RANBP2: variants seen among roughly 807,000 people sequenced by gnomAD.
RANBP2 encodes the protein RAN binding protein 2.
In RANBP2, 57 loss-of-function variants were observed where a neutral mutation model predicts 303.6. That is an observed-to-expected ratio of 0.19 (90% CI 0.15 to 0.23). The LOEUF is 0.23. Ranked by LOEUF, RANBP2 falls within the 10% of genes least tolerant of loss-of-function variation. The pLI is 1.00. For missense variants in RANBP2, 3,138 were observed against 3,780.8 expected (o/e 0.83, Z 4.46); for synonymous variants, 1,167 against 1,301.5 (o/e 0.90, Z 2.23).
chr2:109,196,140 C>T, the RANBP2 span, among the ~76,000 whole-genome samples: 9 of 152,368 alleles, frequency 5.9e-5, no homozygotes, highest in South Asian at 1.9e-3. Flanking sequence ...GGCACACGTC[C>T]CACTCAGGGT....
chr2:108,766,843 G>A lies in RANBP2; in HGVS notation c.6304G>A (p.Asp2102Asn). The part of the protein sequence containing the change: ...TMNLKPLSGS[D>N]RAWMWLASDF... ...GAACCTGAAGCCTCTCTCTGGATCA[G>A]ATAGAGCATGGATGTGGTTAGCCAG... The change falls in exon 20 of 29, where the codon GAT (aspartate) becomes AAT (asparagine). Residue 2102 changes from aspartate to asparagine, a missense_variant. This residue lies in a region of RANBP2 where 103 missense variants were observed against 214.3 expected (regional missense o/e 0.48). Transcript: ENST00000283195. The A allele has an allele frequency of 6.2e-7, 1 of 1,611,824 alleles. No individual in the cohort carries two copies.
At chr2:108,805,522 G>A in the RANBP2 span, among the ~76,000 whole-genome samples, 7 of 151,586 alleles carry the variant, frequency 4.6e-5, no homozygotes, top group Admixed American at 2.0e-4. Context: ...TCAGGAGTTC[G>A]AGACCATCCT....
the RANBP2 span, among the ~76,000 whole-genome samples, chr2:109,561,208 T>C: frequency 6.6e-6 from 1 of 152,154 alleles, no homozygotes; most frequent in Non-Finnish European, 1.5e-5. Flanking sequence ...TTCCGGAGTC[T>C]TACAGATGCC....
the RANBP2 span, among the ~76,000 whole-genome samples, chr2:109,054,478 G>A: frequency 3.9e-5 from 6 of 151,976 alleles, no homozygotes; most frequent in Non-Finnish European, 8.8e-5. Flanking sequence ...AGGCCGAGGT[G>A]GGCAGATCAC....
the RANBP2 span, among the ~76,000 whole-genome samples, chr2:109,604,290 T>G: frequency 1.5e-5 from 2 of 137,386 alleles, no homozygotes; most frequent in Non-Finnish European, 3.1e-5. Flanking sequence ...GTTGCAGTGG[T>G]TGAGACTGCG....
the RANBP2 span, among the ~76,000 whole-genome samples, chr2:109,308,168 G>T: frequency 9.8e-3 from 1,365 of 139,194 alleles, 21 homozygotes; most frequent in Non-Finnish European, 0.014. Flanking sequence ...TTTCCCTGAT[G>T]GCCAGTGATG....
At chr2:108,875,433 A>G in the RANBP2 span, among the ~76,000 whole-genome samples, 3 of 152,136 alleles carry the variant, frequency 2.0e-5, no homozygotes, top group Non-Finnish European at 2.9e-5. Flanking sequence ...AAGATAAACC[A>G]ATATTCTGCC....
chr2:108,764,500 A>G lies in RANBP2; in HGVS notation c.3961A>G (p.Arg1321Gly), dbSNP rs1368102527. The G allele has an allele frequency of 6.2e-7, 1 of 1,614,038 alleles. No homozygotes were observed. Among genetic ancestry groups the G allele is most frequent in the South Asian group, 1.1e-5 (1 of 91,076 alleles). The change falls in exon 20 of 29, where the codon AGA (arginine) becomes GGA (glycine). Residue 1321 changes from arginine to glycine, a missense_variant. By Grantham distance (125) the Arg-to-Gly change is moderately radical. Coordinates refer to ENST00000283195, the MANE Select transcript of RANBP2 (RefSeq NM_006267.5). ...NVAMASNQAVRIVKEPTSHDN... is the reference protein window; with the variant it reads ...NVAMASNQAVGIVKEPTSHDN... ...AGCCATGGCGTCAAATCAGGCTGTC[A>G]GAATTGTAAAAGAACCCACAAGTCA...
At chr2:109,635,626 T>C in the RANBP2 span, among the ~76,000 whole-genome samples, 612 of 152,296 alleles carry the variant, frequency 4.0e-3, 6 homozygotes, top group African/African-American at 0.014. Flanking sequence ...AGCTGAGCCA[T>C]AACTGGGTTG....
At chr2:108,816,269 G>A in the RANBP2 span, among the ~76,000 whole-genome samples, 3 of 151,892 alleles carry the variant, frequency 2.0e-5, no homozygotes, top group African/African-American at 7.3e-5. Context: ...TGGGCAACGT[G>A]GTGCAACCCC....
At chr2:109,694,723 A>AGTTTTGGATTTTGGAGC in the RANBP2 span, among the ~76,000 whole-genome samples, 1 of 151,950 alleles carries the variant, frequency 6.6e-6, no homozygotes, top group South Asian at 2.1e-4. Flanking sequence ...GCATTCAAAA[A>AGTTTTGGATTTTGGAGC]GTTTTGGATT....
chr2:109,112,661 G>T, the RANBP2 span, among the ~76,000 whole-genome samples: 6 of 151,922 alleles, frequency 3.9e-5, no homozygotes, highest in South Asian at 2.1e-4. Context: ...GTCAATTTTG[G>T]CTTTTGTTGC....
chr2:109,316,571 G>C, the RANBP2 span, among the ~76,000 whole-genome samples: 1 of 152,156 alleles, frequency 6.6e-6, no homozygotes, highest in African/African-American at 2.4e-5. Flanking sequence ...AGCAGTTTTA[G>C]GTTCACAGCA....
the RANBP2 span, among the ~76,000 whole-genome samples, chr2:109,244,464 G>A: frequency 6.6e-6 from 1 of 152,142 alleles, no homozygotes; most frequent in South Asian, 2.1e-4. Flanking sequence ...CTGTCTTCCT[G>A]ATGTGTTGGA....
chr2:108,760,726 T>G (rs1676674467), intron 18 of RANBP2, among the ~76,000 whole-genome samples: 1 of 152,160 alleles, frequency 6.6e-6, no homozygotes. Flanking sequence ...TACCTCCCAG[T>G]TGTTTGGTTT....
the RANBP2 span, among the ~76,000 whole-genome samples, chr2:108,877,313 A>AC: frequency 6.6e-5 from 10 of 150,846 alleles, no homozygotes; most frequent in Admixed American, 1.3e-4. Context: ...ACAAAAAAAA[A>AC]CAGAATTAGC....
At chr2:109,683,634 C>T in the RANBP2 span, among the ~76,000 whole-genome samples, 1 of 152,142 alleles carries the variant, frequency 6.6e-6, no homozygotes, top group African/African-American at 2.4e-5. Context: ...CCGTACTGCT[C>T]CACCGAGCGC....
At chr2:109,520,483 C>T in the RANBP2 span, among the ~76,000 whole-genome samples, 1 of 151,042 alleles carries the variant, frequency 6.6e-6, no homozygotes, top group African/African-American at 2.4e-5. Flanking sequence ...GCCTGTAATC[C>T]CAGCTACTCA....
the RANBP2 span, among the ~76,000 whole-genome samples, chr2:109,465,653 T>C: frequency 3.3e-5 from 5 of 152,206 alleles, no homozygotes; most frequent in Non-Finnish European, 7.3e-5. Context: ...AGAGGTTTAA[T>C]TGGTTATGGT....
Sources: gnomAD v4.1 joint callset for allele counts (sites outside exome capture counted in the v4.1 genomes callset) on GRCh38, gnomAD v4.1.1 for gene constraint, gnomAD v4.1.1 regional missense constraint, MANE v1.5 for transcripts, NCBI Gene and HGNC (gene_info 2026-07-23, HGNC 2026-07-21) for gene names.